PARD3: variants seen among roughly 807,000 people sequenced by gnomAD.
PARD3 encodes partitioning defective 3 homolog.
PARD3 carries 75 observed loss-of-function variants against 155.4 expected under a neutral mutation model. The observed-to-expected ratio is 0.48, with a 90% confidence interval of 0.40 to 0.58. PARD3 has a LOEUF of 0.58. Among genes scored for constraint, PARD3 ranks in the 20% least tolerant of loss-of-function variants. The pLI is 0.00. For synonymous variants in PARD3, 576 were observed against 610.5 expected (o/e 0.94, Z 0.83); for missense variants, 1,642 against 1,721.7 (o/e 0.95, Z 0.82).
intron 3 of PARD3, among the ~76,000 whole-genome samples, chr10:34,478,495 T>C (rs563909116): frequency 1.3e-5 from 2 of 152,338 alleles, no homozygotes; most frequent in South Asian, 2.1e-4. Context: ...ATGGTTGCAC[T>C]GAATCCAACA....
intron 5 of PARD3, among the ~76,000 whole-genome samples, chr10:34,421,778 G>T (rs1846209575): frequency 6.6e-6 from 1 of 152,120 alleles, no homozygotes; most frequent in Admixed American, 6.6e-5. Context: ...ATTTTAATAG[G>T]CAGGGAAAGA....
chr10:34,301,838 T>TA (rs1554826227), intron 20 of PARD3, among the ~76,000 whole-genome samples: 1,972 of 147,868 alleles, frequency 0.013, 40 homozygotes, highest in African/African-American at 0.046. Context: ...TTTTTTTTTT[T>TA]AACATCAAAT....
At chr10:34,157,823 T>C (rs565733125) in intron 22 of PARD3, among the ~76,000 whole-genome samples, 2 of 152,322 alleles carry the variant, frequency 1.3e-5, no homozygotes, top group East Asian at 3.9e-4. Context: ...ATAATACTGT[T>C]ATGGAAAGAG....
At chr10:34,148,283 G>A (rs1188118021) in intron 22 of PARD3, among the ~76,000 whole-genome samples, 1 of 152,136 alleles carries the variant, frequency 6.6e-6, no homozygotes, top group Non-Finnish European at 1.5e-5. Flanking sequence ...AGCCACGTTT[G>A]CACAAGCCAA....
intron 2 of PARD3, among the ~76,000 whole-genome samples, chr10:34,660,799 G>C (rs1397258721): frequency 6.6e-6 from 1 of 152,004 alleles, no homozygotes; most frequent in Non-Finnish European, 1.5e-5. Context: ...AGAATGCAAG[G>C]AACTAAGGCA....
intron 22 of PARD3, among the ~76,000 whole-genome samples, chr10:34,159,449 G>A (rs578088632): frequency 7.2e-5 from 11 of 152,280 alleles, no homozygotes; most frequent in African/African-American, 2.2e-4. Context: ...AATCACATAG[G>A]TAGAAAGAAG....
intron 1 of PARD3, among the ~76,000 whole-genome samples, chr10:34,777,592 C>T (rs759058763): frequency 1.3e-5 from 2 of 152,166 alleles, no homozygotes; most frequent in Non-Finnish European, 2.9e-5. Flanking sequence ...GGCTGGAATA[C>T]AGTGGTGCAA....
chr10:34,775,426 C>T (rs1184024701), intron 1 of PARD3, among the ~76,000 whole-genome samples: 2 of 152,080 alleles, frequency 1.3e-5, no homozygotes, highest in Admixed American at 1.3e-4. Context: ...AGGAGGATCA[C>T]TTTAGCCCAG....
intron 22 of PARD3, among the ~76,000 whole-genome samples, chr10:34,151,844 C>A (rs955504674): frequency 2.0e-5 from 3 of 152,088 alleles, no homozygotes; most frequent in Non-Finnish European, 2.9e-5. Context: ...ATCTCTAAAT[C>A]TTTATAGTAA....
intron 3 of PARD3, among the ~76,000 whole-genome samples, chr10:34,483,482 CA>C (rs35352038): frequency 0.04 from 2,008 of 50,306 alleles, 53 homozygotes; most frequent in African/African-American, 0.12. Context: ...ACTCTGTCAC[CA>C]AAAAAAAAAA....
At chr10:34,610,096 C>T (rs2132609606) in intron 2 of PARD3, among the ~76,000 whole-genome samples, 1 of 152,300 alleles carries the variant, frequency 6.6e-6, no homozygotes, top group Non-Finnish European at 1.5e-5. Flanking sequence ...GATTCATCCA[C>T]ATCTACTCTA....
intron 3 of PARD3, among the ~76,000 whole-genome samples, chr10:34,504,384 C>T (rs1241701927): frequency 6.8e-6 from 1 of 146,572 alleles, no homozygotes; most frequent in East Asian, 2.0e-4. Context: ...CTGCCTCCCA[C>T]AGTGCTGAGA....
chr10:34,536,300 TCTACAGTGA>T (rs1438385550), intron 2 of PARD3, among the ~76,000 whole-genome samples: 1 of 152,214 alleles, frequency 6.6e-6, no homozygotes, highest in Non-Finnish European at 1.5e-5. Context: ...TATCTTCAAA[TCTACAGTGA>T]CTACAGTGAC....
intron 10 of PARD3, 51 bp from the exon 11 acceptor site, chr10:34,375,053 AACACACACACACACACACACACACAC>A (rs35263377): frequency 1.0e-5 from 8 of 783,538 alleles, no homozygotes; most frequent in Non-Finnish European, 1.4e-5. Context: ...ACAACAGGAA[AACACACACACACACACACACACACAC>A]ACACACACAC....
chr10:34,439,445 T>C (rs12250555), intron 5 of PARD3, among the ~76,000 whole-genome samples: 1 of 151,644 alleles, frequency 6.6e-6, no homozygotes, highest in Non-Finnish European at 1.5e-5. Flanking sequence ...GTATTAAAAA[T>C]AAAAACATTT....
At chr10:34,442,699 C>A (rs1425079500) in intron 5 of PARD3, among the ~76,000 whole-genome samples, 2 of 152,070 alleles carry the variant, frequency 1.3e-5, no homozygotes, top group African/African-American at 4.8e-5. Context: ...CGGGACCCCA[C>A]CTGTACAAAA....
intron 7 of PARD3, among the ~76,000 whole-genome samples, chr10:34,394,867 C>A (rs1268602962): frequency 2.6e-5 from 4 of 151,720 alleles, no homozygotes; most frequent in African/African-American, 7.3e-5. Context: ...GCTGATTACG[C>A]TTCACTAAGC....
chr10:34,696,973 C>T (rs1195920249), intron 1 of PARD3, among the ~76,000 whole-genome samples: 2 of 149,574 alleles, frequency 1.3e-5, no homozygotes, highest in Admixed American at 6.8e-5. Flanking sequence ...GTGGCTTGAG[C>T]CTCTTTTTAC....
At position 34,796,917 on chromosome 10, in the gene PARD3, G is replaced by A. The variant is rs1177654817; in HGVS notation, c.120+17959C>T. Among the ~76,000 whole-genome samples, 3 of 152,198 alleles carry A rather than the reference G, an allele frequency of 2.0e-5. No homozygotes were observed. In the South Asian group the frequency reaches 6.2e-4, roughly 31 times the overall value. On this transcript the variant is annotated intron_variant, in intron 1 of 24. Transcript: ENST00000374788. ...GGAGAATCACTTGAACCCAGGAGAC[G>A]GAGGTTGCTATGAACTGAGATCGTG... is the stretch of plus-strand genomic sequence containing the variant.
Sources: gnomAD v4.1 joint callset for allele counts (sites outside exome capture counted in the v4.1 genomes callset) on GRCh38, gnomAD v4.1.1 for gene constraint, MANE v1.5 for transcripts, NCBI Gene and HGNC (gene_info 2026-07-23, HGNC 2026-07-21) for gene names.